Variants in ZNG1E observed in about 807,000 individuals in gnomAD.
ZNG1E encodes zinc-regulated GTPase metalloprotein activator 1E.
chr9:65,666,993 G>T, the ZNG1E span, among the ~76,000 whole-genome samples: 19 of 151,786 alleles, frequency 1.3e-4, no homozygotes, highest in African/African-American at 4.1e-4. Flanking sequence ...GCAGATTTTT[G>T]TATTATTAGT....
the ZNG1E span, among the ~76,000 whole-genome samples, chr9:65,663,860 C>T: frequency 1.3e-5 from 2 of 151,582 alleles, no homozygotes; most frequent in African/African-American, 4.9e-5. Context: ...TCCTCTTCCC[C>T]CATTGTCTCT....
At chr9:65,691,314 T>G in the ZNG1E span, among the ~76,000 whole-genome samples, 1 of 150,252 alleles carries the variant, frequency 6.7e-6, no homozygotes, top group South Asian at 2.1e-4. Flanking sequence ...AACCCCTGAC[T>G]TCAGGTGATC....
chr9:65,680,929 C>T, the ZNG1E span, among the ~76,000 whole-genome samples: 1 of 152,220 alleles, frequency 6.6e-6, no homozygotes, highest in African/African-American at 2.4e-5. Context: ...GCTGGGACTA[C>T]AGGTGCCCGC....
At chr9:65,693,764 C>A in the ZNG1E span, among the ~76,000 whole-genome samples, 11 of 151,806 alleles carry the variant, frequency 7.2e-5, no homozygotes. Flanking sequence ...ACCATGTTGA[C>A]CAGCCTGGTC....
chr9:65,672,232 C>T, the ZNG1E span, among the ~76,000 whole-genome samples: 1 of 151,638 alleles, frequency 6.6e-6, no homozygotes, highest in African/African-American at 2.4e-5. Context: ...TAACACAGTG[C>T]CTATCAGATG....
At chr9:65,663,096 T>G in the ZNG1E span, among the ~76,000 whole-genome samples, 1 of 152,240 alleles carries the variant, frequency 6.6e-6, no homozygotes, top group Non-Finnish European at 1.5e-5. Flanking sequence ...CCTTTTGCTG[T>G]TAAATGTTTA....
chr9:65,722,531 G>GTT, the ZNG1E span, among the ~76,000 whole-genome samples: 3 of 51,870 alleles, frequency 5.8e-5, no homozygotes, highest in Non-Finnish European at 3.4e-5. Context: ...TGTTTTTTTG[G>GTT]TTTTTTTTGA....
chr9:65,666,301 A>C, the ZNG1E span, among the ~76,000 whole-genome samples: 1 of 150,214 alleles, frequency 6.7e-6, no homozygotes, highest in Admixed American at 6.8e-5. Flanking sequence ...ATAGTGAATA[A>C]GTCTCATGAG....
chr9:65,708,374 C>A, the ZNG1E span: 1 of 150,104 alleles, frequency 6.7e-6, no homozygotes, highest in East Asian at 1.9e-4. Flanking sequence ...TGGGAATTTT[C>A]TTTCTACATG....
chr9:65,676,596 A>G, the ZNG1E span, among the ~76,000 whole-genome samples: 2 of 151,236 alleles, frequency 1.3e-5, no homozygotes, highest in Non-Finnish European at 2.9e-5. Context: ...CCAGGAGCCA[A>G]AGTCCTCCAG....
the ZNG1E span, chr9:65,668,949 A>G: frequency 2.5e-4 from 23 of 90,636 alleles, no homozygotes; most frequent in African/African-American, 1.2e-3. Flanking sequence ...CCAGGTGAAC[A>G]CACAGTGTTC....
At chr9:65,705,021 A>G in the ZNG1E span, 2 of 148,928 alleles carry the variant, frequency 1.3e-5, no homozygotes, top group South Asian at 4.2e-4. Flanking sequence ...TTTTTTTACC[A>G]TTTTGTAGCT....
the ZNG1E span, among the ~76,000 whole-genome samples, chr9:65,711,080 A>C: frequency 9.4e-5 from 12 of 127,712 alleles, no homozygotes; most frequent in Admixed American, 1.7e-4. Flanking sequence ...CATCCCTAGT[A>C]AGTTGGATTC....
chr9:65,687,491 C>T, the ZNG1E span, among the ~76,000 whole-genome samples: 1 of 152,262 alleles, frequency 6.6e-6, no homozygotes, highest in Non-Finnish European at 1.5e-5. Context: ...TTATCAGTCA[C>T]ACTTTTTTCC....
the ZNG1E span, among the ~76,000 whole-genome samples, chr9:65,714,849 T>G: frequency 6.6e-6 from 1 of 152,086 alleles, no homozygotes. Context: ...TGCTGTCTTT[T>G]TGTGTGTCTG....
the ZNG1E span, among the ~76,000 whole-genome samples, chr9:65,709,323 A>G: frequency 1.3e-5 from 2 of 151,138 alleles, no homozygotes; most frequent in East Asian, 1.9e-4. Flanking sequence ...TTTATTTTTT[A>G]TTTTTTCTTG....
At chr9:65,719,400 G>A in the ZNG1E span, 19 of 132,792 alleles carry the variant, frequency 1.4e-4, 4 homozygotes, top group African/African-American at 6.3e-4. Flanking sequence ...CTCCCGTCCT[G>A]TCCCCATCAG....
chr9:65,663,121 T>G, the ZNG1E span, among the ~76,000 whole-genome samples: 1 of 152,264 alleles, frequency 6.6e-6, no homozygotes, highest in Non-Finnish European at 1.5e-5. Context: ...ATGAGTGCTC[T>G]GTTTCTGTTA....
chr9:65,721,152 A>G, the ZNG1E span, among the ~76,000 whole-genome samples: 1 of 145,482 alleles, frequency 6.9e-6, no homozygotes, highest in African/African-American at 2.7e-5. Flanking sequence ...GTCTCCATCC[A>G]TAGAATCTCG....
Sources: gnomAD v4.1 joint callset for allele counts (sites outside exome capture counted in the v4.1 genomes callset) on GRCh38, gnomAD v4.1.1 for gene constraint, MANE v1.5 for transcripts, NCBI Gene and HGNC (gene_info 2026-07-23, HGNC 2026-07-21) for gene names.